The following METTL15 variants were observed in gnomAD, a reference collection of about 807,000 sequenced individuals.
METTL15 encodes methyltransferase 15, mitochondrial 12S rRNA N4-cytidine.
A neutral mutation model predicts 38.3 loss-of-function variants in METTL15; 34 were observed. The ratio of observed to expected loss-of-function variants is 0.89; its 90% CI spans 0.68 to 1.18. The LOEUF is 1.18. Among genes scored for constraint, METTL15 ranks in the 50% most tolerant of loss-of-function variants. The pLI, the probability that METTL15 is intolerant of heterozygous loss-of-function variation, is 0.00. For missense variants in METTL15, 438 were observed against 498.4 expected, an observed-to-expected ratio of 0.88 and a Z score of 1.15; for synonymous variants, 162 against 170.9, an observed-to-expected ratio of 0.95 and a Z score of 0.41.
chr11:28,243,298 G>A (rs1854378744), intron 4 of METTL15, among the ~76,000 whole-genome samples: 1 of 152,130 alleles, frequency 6.6e-6, no homozygotes, highest in African/African-American at 2.4e-5. Context: ...ATTAGAATTA[G>A]TCTTGTGACT....
At chr11:28,429,240 G>A (rs1850890288) in intron 6 of METTL15, among the ~76,000 whole-genome samples, 1 of 152,162 alleles carries the variant, frequency 6.6e-6, no homozygotes. Flanking sequence ...AATGTCTTGG[G>A]GGAGATAATG....
chr11:28,199,287 TGTG>T (rs1485470526), intron 3 of METTL15, among the ~76,000 whole-genome samples: 1 of 152,210 alleles, frequency 6.6e-6, no homozygotes, highest in African/African-American at 2.4e-5. Context: ...TTGATCTTAC[TGTG>T]GATTAATGCT....
intron 6 of METTL15, among the ~76,000 whole-genome samples, chr11:28,513,415 G>A (rs936488355): frequency 2.0e-5 from 3 of 152,156 alleles, no homozygotes; most frequent in Non-Finnish European, 4.4e-5. Flanking sequence ...AGTAAAATGG[G>A]GATGATTTCT....
chr11:28,141,536 A>G (rs1487275386), intron 3 of METTL15, among the ~76,000 whole-genome samples: 1 of 151,986 alleles, frequency 6.6e-6, no homozygotes, highest in Non-Finnish European at 1.5e-5. Flanking sequence ...ATTAAAAAAA[A>G]AAATTATTCT....
chr11:28,138,853 G>A (rs900254774), intron 3 of METTL15, among the ~76,000 whole-genome samples: 3 of 152,138 alleles, frequency 2.0e-5, no homozygotes, highest in African/African-American at 7.2e-5. Context: ...GGCTTATGGG[G>A]TCCTAGGCTT....
intron 3 of METTL15, among the ~76,000 whole-genome samples, chr11:28,157,115 G>A (rs1850289220): frequency 6.6e-6 from 1 of 152,196 alleles, no homozygotes; most frequent in Non-Finnish European, 1.5e-5. Context: ...ACAAAGTACT[G>A]ATCCTGGGAG....
chr11:28,501,403 C>T (rs769902905), intron 6 of METTL15, among the ~76,000 whole-genome samples: 3 of 152,160 alleles, frequency 2.0e-5, no homozygotes, highest in East Asian at 1.9e-4. Context: ...ATGAATGTAG[C>T]GCTTTAGAAC....
chr11:28,525,947 A>C (rs929523278), intron 6 of METTL15, among the ~76,000 whole-genome samples: 12 of 152,218 alleles, frequency 7.9e-5, no homozygotes, highest in Non-Finnish European at 2.9e-5. Flanking sequence ...CCCTGCCCCA[A>C]GGGGAGGCAG....
intron 3 of METTL15, among the ~76,000 whole-genome samples, chr11:28,210,526 A>G (rs1339380398): frequency 6.6e-6 from 1 of 151,752 alleles, no homozygotes; most frequent in Admixed American, 6.6e-5. Context: ...TTTTATTATT[A>G]CAGATACAAT....
In METTL15 at chr11:28,179,363, A is replaced by G. The variant is rs542322741; in HGVS notation, c.271-31699A>G. 2.4e-4 allele frequency among the ~76,000 whole-genome samples: 37 copies of G among 151,938 alleles called. No individual in the cohort carries two copies. The South Asian group carries it at 7.3e-3, about 30-fold the overall frequency. On this transcript the variant is annotated intron_variant, in intron 3 of 6. Transcript: ENST00000407364. ...CATGTATAAAAATACAGACGTTTTA[A>G]GTGTACCATTCTATGATTTTTTAAA...
intron 5 of METTL15, among the ~76,000 whole-genome samples, chr11:28,402,929 G>A (rs1369384533): frequency 6.6e-6 from 1 of 151,820 alleles, no homozygotes; most frequent in African/African-American, 2.4e-5. Flanking sequence ...AGTGAAACAT[G>A]ATATTTGACT....
chr11:28,439,998 T>C (rs1420192322), intron 6 of METTL15, among the ~76,000 whole-genome samples: 1 of 152,190 alleles, frequency 6.6e-6, no homozygotes, highest in Non-Finnish European at 1.5e-5. Context: ...GTTCCTGTGT[T>C]GGGTAGACAT....
intron 3 of METTL15, among the ~76,000 whole-genome samples, chr11:28,115,366 C>A (rs1425332926): frequency 6.6e-6 from 1 of 151,354 alleles, no homozygotes; most frequent in Admixed American, 6.6e-5. Context: ...TCAATTGATT[C>A]TCCTGCCTCA....
chr11:28,360,232 A>G (rs1590344523), intron 4 of METTL15, among the ~76,000 whole-genome samples: 1 of 152,274 alleles, frequency 6.6e-6, no homozygotes, highest in East Asian at 1.9e-4. Context: ...GTGCTTTCCC[A>G]ATAGACAAGT....
chr11:28,469,833 CAT>C (rs1851288365), intron 6 of METTL15, among the ~76,000 whole-genome samples: 1 of 151,952 alleles, frequency 6.6e-6, no homozygotes, highest in Non-Finnish European at 1.5e-5. Flanking sequence ...GGGAATGTAA[CAT>C]AGGGATTTTC....
intron 7 of METTL15, chr11:28,526,579 T>C (rs1590404771): frequency 6.6e-6 from 1 of 152,378 alleles, no homozygotes; most frequent in East Asian, 1.9e-4. Context: ...ACTTTTCTTT[T>C]GCTATTTTCA....
intron 3 of METTL15, among the ~76,000 whole-genome samples, chr11:28,126,338 C>T (rs1852484921): frequency 1.3e-5 from 2 of 151,908 alleles, no homozygotes; most frequent in Non-Finnish European, 2.9e-5. Flanking sequence ...TCTTTTTCTT[C>T]TTAACTGTCT....
intron 3 of METTL15, among the ~76,000 whole-genome samples, chr11:28,126,388 C>A (rs1029429275): frequency 2.0e-5 from 3 of 152,048 alleles, no homozygotes; most frequent in African/African-American, 7.2e-5. Flanking sequence ...CCGCCTTCCT[C>A]CATAGCACAC....
intron 3 of METTL15, among the ~76,000 whole-genome samples, chr11:28,194,178 C>CTTTCTTTCTTTT (rs1373046857): frequency 2.4e-4 from 3 of 12,270 alleles, no homozygotes. Context: ...CTTTCTTTTT[C>CTTTCTTTCTTTT]TCTCTCTCTC....
Sources: gnomAD v4.1 joint callset for allele counts (sites outside exome capture counted in the v4.1 genomes callset) on GRCh38, gnomAD v4.1.1 for gene constraint, MANE v1.5 for transcripts, NCBI Gene and HGNC (gene_info 2026-07-23, HGNC 2026-07-21) for gene names.